Variants in CPNE1 observed in about 807,000 individuals in gnomAD.
CPNE1 encodes copine-1.
In CPNE1, 58 loss-of-function variants were observed where a neutral mutation model predicts 63.2. That is an observed-to-expected ratio of 0.92 (90% confidence interval 0.74 to 1.14). The LOEUF (loss-of-function observed/expected upper bound fraction) is 1.14, where lower values mean the gene tolerates loss of function less well. Ranked by LOEUF, CPNE1 falls within the 50% of genes most tolerant of loss-of-function variation. The probability of loss-of-function intolerance (pLI) is 0.00; values close to 1 mark genes in which losing one functional copy is unlikely to be tolerated. For missense variants in CPNE1, 672 were observed against 661.7 expected, an observed-to-expected ratio of 1.02 and a Z score of -0.17; for synonymous variants, 237 against 249.0, an observed-to-expected ratio of 0.95 and a Z score of 0.45.
intron 1 of CPNE1, chr20:35,659,121 T>TG: frequency 2.3e-6 from 1 of 433,668 alleles, no homozygotes; most frequent in South Asian, 6.0e-5. Flanking sequence ...ACCAGAGTAC[T>TG]TCATTAGAAT....
At chr20:35,655,147 C>G (rs750472475) in intron 1 of CPNE1, 2 of 1,614,020 alleles carry the variant, frequency 1.2e-6, no homozygotes, top group African/African-American at 2.7e-5. Flanking sequence ...ACCACCTGTG[C>G]GCATCATACC....
In CPNE1 at chr20:35,632,388, G is replaced by A. The variant is rs375757967; in HGVS notation, c.310-3C>T. The A allele has an allele frequency of 1.2e-6, 2 of 1,613,720 alleles. No homozygotes were observed. The highest frequency in any genetic ancestry group is 1.7e-6 in the Non-Finnish European group (2 of 1,179,840). ...GTCAGTACCTGGCTGGACACAATCTGGGGAAAAGCAGGGAAGGGAGTTTCA... is the reference window on the plus strand; with the variant it reads ...GTCAGTACCTGGCTGGACACAATCTAGGGAAAAGCAGGGAAGGGAGTTTCA... On this transcript the variant is annotated splice_region_variant and splice_polypyrimidine_tract_variant and intron_variant, in intron 3 of 15. Transcript: ENST00000397443.
At position 35,631,256 on chromosome 20, in the gene CPNE1, CTT is replaced by C; in HGVS notation, c.801+10_801+11del. 1 of 1,613,992 alleles carries C rather than the reference CTT, an allele frequency of 6.2e-7. No homozygotes were observed. The highest frequency in any genetic ancestry group is 1.1e-5 in the South Asian group (1 of 91,084). ...GGAATCAGAGCCTTGGTTACATGGGCTTTTGTCTCACCCGACAAATCTTGACA... is the reference window on the plus strand; with the variant it reads ...GGAATCAGAGCCTTGGTTACATGGGCTTGTCTCACCCGACAAATCTTGACA... On this transcript the variant is annotated intron_variant, in intron 9 of 15. Transcript: ENST00000397443.
At chr20:35,636,189 A>C (rs1261627572) in intron 1 of CPNE1, among the ~76,000 whole-genome samples, 1 of 152,174 alleles carries the variant, frequency 6.6e-6, no homozygotes, top group African/African-American at 2.4e-5. Flanking sequence ...ACTTCTGACC[A>C]TCCTGATCAC....
intron 1 of CPNE1, among the ~76,000 whole-genome samples, chr20:35,642,109 T>C (rs1023916114): frequency 2.6e-5 from 4 of 152,220 alleles, no homozygotes; most frequent in Non-Finnish European, 4.4e-5. Context: ...TCATTTTCTA[T>C]GGCCACCCTT....
rs568768422 is a variant in CPNE1 at position 35,626,477 on chromosome 20, G to A, written c.1473+90C>T. 9 of 1,590,486 alleles carry A rather than the reference G, an allele frequency of 5.7e-6. No homozygotes were observed. In the African/African-American group the frequency reaches 6.7e-5, roughly 12 times the overall value. The stretch of plus-strand genomic sequence containing the variant: ...ACCCAACCATATCCCAGGCTTAGAG[G>A]AAAAGGTGAGCATCCCTTGGGCCTC... On this transcript the variant is annotated intron_variant, in intron 15 of 15. Coordinates refer to ENST00000397443, the MANE Select transcript of CPNE1 (RefSeq NM_152925.3).
At chr20:35,647,560 C>T (rs912869484) in intron 1 of CPNE1, 4 of 152,042 alleles carry the variant, frequency 2.6e-5, no homozygotes, top group African/African-American at 9.7e-5. Context: ...GTCCCTGGGT[C>T]TGAAATGTTT....
At chr20:35,661,731 GTC>G (rs774951084) in intron 1 of CPNE1, among the ~76,000 whole-genome samples, 2 of 152,196 alleles carry the variant, frequency 1.3e-5, no homozygotes, top group Non-Finnish European at 2.9e-5. Flanking sequence ...AGAAAAAAAT[GTC>G]TGACAACAAA....
chr20:35,652,390 T>G, intron 1 of CPNE1: 1 of 1,014,160 alleles, frequency 9.9e-7, no homozygotes, highest in South Asian at 1.6e-5. Flanking sequence ...CAACCAATGC[T>G]CTATGTTATG....
intron 1 of CPNE1, among the ~76,000 whole-genome samples, chr20:35,633,769 A>G (rs972821658): frequency 2.6e-5 from 4 of 151,640 alleles, no homozygotes; most frequent in African/African-American, 9.7e-5. Context: ...CCTGGCCAAC[A>G]TGGTGAAACC....
At chr20:35,646,481 C>G (rs2033111377) in intron 1 of CPNE1, among the ~76,000 whole-genome samples, 2 of 151,212 alleles carry the variant, frequency 1.3e-5, no homozygotes, top group African/African-American at 4.9e-5. Context: ...CCTCGGCCTC[C>G]CAAAGTGCTG....
intron 13 of CPNE1, among the ~76,000 whole-genome samples, chr20:35,629,409 CTG>C: frequency 6.6e-6 from 1 of 152,318 alleles, no homozygotes; most frequent in East Asian, 1.9e-4. Flanking sequence ...TTGGTGGACT[CTG>C]GCAAAATGCA....
intron 1 of CPNE1, among the ~76,000 whole-genome samples, chr20:35,656,955 C>T (rs2033937328): frequency 6.6e-6 from 1 of 152,200 alleles, no homozygotes; most frequent in African/African-American, 2.4e-5. Context: ...AATTCTGTAA[C>T]TTCATTGTCA....
chr20:35,643,783 C>T (rs2032958217), intron 1 of CPNE1, among the ~76,000 whole-genome samples: 1 of 152,084 alleles, frequency 6.6e-6, no homozygotes, highest in Non-Finnish European at 1.5e-5. Context: ...CAATCATAAG[C>T]TTGACCGTGG....
intron 1 of CPNE1, among the ~76,000 whole-genome samples, chr20:35,641,796 G>A (rs974151164): frequency 6.6e-6 from 1 of 152,098 alleles, no homozygotes; most frequent in Non-Finnish European, 1.5e-5. Flanking sequence ...AAATGACAAA[G>A]CTCTTCAGAA....
At chr20:35,639,539 T>C (rs2032683631) in intron 1 of CPNE1, among the ~76,000 whole-genome samples, 1 of 152,182 alleles carries the variant, frequency 6.6e-6, no homozygotes. Context: ...TTTCACCATG[T>C]TGGCTAGGCT....
At position 35,652,778 on chromosome 20, in the gene CPNE1, T is replaced by C. The variant is rs769135399; in HGVS notation, c.-1+11982A>G. On this transcript the variant is annotated intron_variant, in intron 1 of 15. Coordinates refer to ENST00000397443, the MANE Select transcript of CPNE1 (RefSeq NM_152925.3). ...ACTGTCGGTCCTGGTTTTCCAGAACTAGATGCAAAGCCAGGGGGACCACCA... is the reference window on the plus strand; with the variant it reads ...ACTGTCGGTCCTGGTTTTCCAGAACCAGATGCAAAGCCAGGGGGACCACCA... The C allele has an allele frequency of 7.4e-6, 12 of 1,611,562 alleles. No individual in the cohort carries two copies. In the South Asian group the frequency reaches 1.2e-4, roughly 16 times the overall value.
At chr20:35,640,973 G>C (rs1046984313) in intron 1 of CPNE1, among the ~76,000 whole-genome samples, 4 of 152,186 alleles carry the variant, frequency 2.6e-5, no homozygotes, top group African/African-American at 4.8e-5. Context: ...TGGAACAGCT[G>C]AGTCTATAGC....
At chr20:35,662,501 C>A (rs2034285937) in intron 1 of CPNE1, among the ~76,000 whole-genome samples, 1 of 152,182 alleles carries the variant, frequency 6.6e-6, no homozygotes, top group Non-Finnish European at 1.5e-5. Flanking sequence ...TACTATTAAG[C>A]ACTTGTGGGC....
Sources: allele counts gnomAD v4.1 joint callset (sites outside exome capture counted in the v4.1 genomes callset), GRCh38; gene constraint gnomAD v4.1.1; transcripts MANE v1.5; gene names NCBI Gene and HGNC (gene_info 2026-07-23, HGNC 2026-07-21).